The following XRRA1 variants were observed in gnomAD, a reference collection of about 807,000 sequenced individuals.
XRRA1 encodes X-ray radiation resistance associated 1.
A neutral mutation model predicts 80.2 loss-of-function variants in XRRA1; 69 were observed. The ratio of observed to expected loss-of-function variants is 0.86; its 90% CI spans 0.71 to 1.05. XRRA1 has a LOEUF of 1.05. Ranked by LOEUF, XRRA1 falls within the 50% of genes least tolerant of loss-of-function variation. The pLI, the probability that XRRA1 is intolerant of heterozygous loss-of-function variation, is 0.00. For synonymous variants in XRRA1, 348 were observed against 389.9 expected (o/e 0.89, Z 1.27); for missense variants, 967 against 976.4 (o/e 0.99, Z 0.13).
At chr11:74,852,788 G>A (rs943165687) in intron 12 of XRRA1, among the ~76,000 whole-genome samples, 1 of 152,186 alleles carries the variant, frequency 6.6e-6, no homozygotes, top group Non-Finnish European at 1.5e-5. Context: ...CCATCTTGGC[G>A]AGAGTATTTA....
Position 74,944,387 on chromosome 11 carries a change from C to G in XRRA1, c.-5+631G>C, listed in dbSNP as rs138155437. ...ACATATCCTCAATTAGACTCTAAAA[C>G]CTTCCTAAGAAAGGGCAATATCAAT... On this transcript the variant is annotated intron_variant, in intron 2 of 18. Transcript: ENST00000684022. 1.7e-3 allele frequency among the ~76,000 whole-genome samples: 260 copies of G among 152,290 alleles called. 4 individuals are homozygous for G. The East Asian group carries it at 0.044, about 26-fold the overall frequency.
In XRRA1 at chr11:74,906,275, T is replaced by C; in HGVS notation, c.967A>G (p.Thr323Ala). The change falls in exon 10 of 19, where the codon ACT (threonine) becomes GCT (alanine). Residue 323 changes from threonine to alanine, a missense_variant. Coordinates refer to ENST00000684022, the MANE Select transcript of XRRA1 (RefSeq NM_001378157.1). ...LEDSDEQLDY[T>A]VLPMKKDVDR... Reference sequence around the variant, plus strand: ...ACATCCTTTTTCATGGGCAGTACAGTATAATCCAGTTGCTCATCTGAGTCC... The same window carrying C: ...ACATCCTTTTTCATGGGCAGTACAGCATAATCCAGTTGCTCATCTGAGTCC... 1 of 1,613,942 alleles carries C rather than the reference T, an allele frequency of 6.2e-7. No individual in the cohort carries two copies.
In XRRA1 at chr11:74,848,340, C is replaced by T. The variant is rs772836158; in HGVS notation, c.1503G>A (p.Leu501=). 9.9e-6 allele frequency: 16 copies of T among 1,613,734 alleles called. No homozygotes were observed. The highest frequency in any genetic ancestry group is 1.3e-5 in the African/African-American group (1 of 74,912). The change falls in exon 15 of 19, where the codon CTG becomes CTA. Residue 501 remains leucine, a synonymous_variant. Coordinates refer to ENST00000684022, the MANE Select transcript of XRRA1 (RefSeq NM_001378157.1). ...LEPEAELAED[L]PTTKSTSVES... ...CCACAGAAGTGCTTTTGGTAGTGGG[C>T]AGATCTTCAGCCAGCTCTGCCTCTG...
At chr11:74,904,721 A>G (rs2054215388) in intron 10 of XRRA1, among the ~76,000 whole-genome samples, 2 of 152,110 alleles carry the variant, frequency 1.3e-5, no homozygotes, top group Non-Finnish European at 2.9e-5. Flanking sequence ...ATGCAGTACT[A>G]TATTGTTTTT....
chr11:74,847,534 A>G (rs919877), intron 15 of XRRA1, among the ~76,000 whole-genome samples: 38,329 of 151,554 alleles, frequency 0.25, 5,753 homozygotes, highest in East Asian at 0.53. Flanking sequence ...CCTTGCTGCT[A>G]TATCTTCACC....
chr11:74,853,711 G>C (rs1048464255), intron 12 of XRRA1, among the ~76,000 whole-genome samples: 1 of 152,232 alleles, frequency 6.6e-6, no homozygotes, highest in African/African-American at 2.4e-5. Flanking sequence ...GTTTAAGTTT[G>C]TTGCAGTAGC....
rs971062853 is a variant in XRRA1, at chr11:74,842,972, C to T, written c.*228G>A. On this transcript the variant is annotated 3_prime_UTR_variant, in exon 19 of 19. Coordinates refer to ENST00000684022, the MANE Select transcript of XRRA1 (RefSeq NM_001378157.1). ...ATGCATGTGGCACCCAGTCTATTGC[C>T]CTGTGCACCCACTCTTTATTGCCGC... The T allele has an allele frequency of 8.6e-6, 5 of 578,102 alleles. No individual in the cohort carries two copies. The highest frequency in any genetic ancestry group is 1.9e-5 in the African/African-American group (1 of 53,696). 35.8% of individuals were successfully genotyped at this position (578,102 alleles called of 1,614,324 possible). A position where few individuals can be genotyped will look rare whatever the true frequency, so the allele number is the denominator to read the frequency against.
At chr11:74,872,271 T>A (rs2044982736) in intron 10 of XRRA1, among the ~76,000 whole-genome samples, 3 of 152,036 alleles carry the variant, frequency 2.0e-5, no homozygotes, top group Admixed American at 2.0e-4. Flanking sequence ...AAAACACACC[T>A]CCTTATCCCC....
intron 7 of XRRA1, among the ~76,000 whole-genome samples, chr11:74,925,377 T>C (rs1463015506): frequency 6.6e-6 from 1 of 152,218 alleles, no homozygotes; most frequent in East Asian, 1.9e-4. Flanking sequence ...GGCAGCCTTT[T>C]TGGCAAACAA....
chr11:74,943,718 T>C (rs994163035), intron 2 of XRRA1, among the ~76,000 whole-genome samples: 4 of 152,180 alleles, frequency 2.6e-5, no homozygotes, highest in Non-Finnish European at 5.9e-5. Context: ...AAATCTCCTA[T>C]TTGAGAGTCA....
At chr11:74,866,260 G>A (rs984132551) in intron 10 of XRRA1, among the ~76,000 whole-genome samples, 7 of 151,588 alleles carry the variant, frequency 4.6e-5, no homozygotes, top group Admixed American at 1.3e-4. Flanking sequence ...GTTTTGTTTT[G>A]TGCTTTTTTT....
intron 11 of XRRA1, among the ~76,000 whole-genome samples, chr11:74,860,545 TA>T (rs2042103552): frequency 6.6e-6 from 1 of 152,218 alleles, no homozygotes; most frequent in Admixed American, 6.5e-5. Flanking sequence ...GTAAGGCCAC[TA>T]AAAGTCTCAA....
At chr11:74,881,312 C>T (rs1437179140) in intron 10 of XRRA1, among the ~76,000 whole-genome samples, 1 of 151,340 alleles carries the variant, frequency 6.6e-6, no homozygotes, top group Non-Finnish European at 1.5e-5. Flanking sequence ...TTTCCATTTG[C>T]TTGGTAGATC....
intron 11 of XRRA1, among the ~76,000 whole-genome samples, chr11:74,861,950 A>C (rs1343081396): frequency 6.6e-6 from 1 of 152,210 alleles, no homozygotes; most frequent in African/African-American, 2.4e-5. Flanking sequence ...TTTGTGCTTA[A>C]CTTGTGGAGT....
At chr11:74,867,112 A>C (rs1327449405) in intron 10 of XRRA1, among the ~76,000 whole-genome samples, 1 of 152,166 alleles carries the variant, frequency 6.6e-6, no homozygotes. Context: ...TCAAAGATTG[A>C]AGGAATACCA....
At chr11:74,933,687 G>A in intron 5 of XRRA1, 114 bp downstream of exon 5, 1 of 866,928 alleles carries the variant, frequency 1.2e-6, no homozygotes, top group South Asian at 1.6e-5. Flanking sequence ...CCTTCTTCGT[G>A]ACCAGATTTC....
At chr11:74,891,452 G>C (rs2050676917) in intron 10 of XRRA1, among the ~76,000 whole-genome samples, 1 of 152,198 alleles carries the variant, frequency 6.6e-6, no homozygotes, top group Admixed American at 6.5e-5. Context: ...ATATCATACT[G>C]AATGGGCAGA....
At chr11:74,915,438 T>C (rs1938313742) in intron 8 of XRRA1, among the ~76,000 whole-genome samples, 1 of 152,190 alleles carries the variant, frequency 6.6e-6, no homozygotes, top group Non-Finnish European at 1.5e-5. Flanking sequence ...CCTCTTTCCC[T>C]TGGTGGCAGG....
At chr11:74,874,591 T>C (rs1358779748) in intron 10 of XRRA1, among the ~76,000 whole-genome samples, 1 of 152,206 alleles carries the variant, frequency 6.6e-6, no homozygotes, top group Admixed American at 6.5e-5. Context: ...AGCTTAACTG[T>C]TTATACCCCA....
Sources: gnomAD v4.1 joint callset for allele counts (sites outside exome capture counted in the v4.1 genomes callset) on GRCh38, gnomAD v4.1.1 for gene constraint, MANE v1.5 for transcripts, NCBI Gene and HGNC (gene_info 2026-07-23, HGNC 2026-07-21) for gene names.